Variants in MRTFA observed in about 807,000 individuals in gnomAD.
MRTFA encodes the protein myocardin-related transcription factor A.
In MRTFA, 20 loss-of-function variants were observed where a neutral mutation model predicts 83.5. The observed-to-expected ratio is 0.24, with a 90% CI of 0.17 to 0.35. The LOEUF is 0.35. Ranked by LOEUF, MRTFA falls within the 10% of genes least tolerant of loss-of-function variation. The pLI, the probability that MRTFA is intolerant of heterozygous loss-of-function variation, is 1.00. For synonymous variants in MRTFA, 659 were observed against 541.2 expected (o/e 1.22, Z -3.02); for missense variants, 1,200 against 1,224.7 (o/e 0.98, Z 0.30).
At chr22:40,517,220 G>T (rs1445047513) in intron 3 of MRTFA, among the ~76,000 whole-genome samples, 2 of 152,188 alleles carry the variant, frequency 1.3e-5, no homozygotes, top group African/African-American at 4.8e-5. Flanking sequence ...ACTGTGCCTG[G>T]CCCCTTAAAA....
chr22:40,634,260 A>C (rs74920380), intron 1 of MRTFA, among the ~76,000 whole-genome samples: 14,885 of 152,060 alleles, frequency 0.098, 1,006 homozygotes, highest in Non-Finnish European at 0.14. Context: ...CTAATTCTTT[A>C]ACTTTTTTGT....
intron 4 of MRTFA, among the ~76,000 whole-genome samples, chr22:40,436,125 A>C (rs2053165377): frequency 6.6e-6 from 1 of 152,088 alleles, no homozygotes; most frequent in Non-Finnish European, 1.5e-5. Flanking sequence ...TATAAAGTGC[A>C]CCCATGGAAT....
chr22:40,415,416 T>C (rs2052657563), intron 14 of MRTFA: 1 of 152,202 alleles, frequency 6.6e-6, no homozygotes, highest in African/African-American at 2.4e-5. Flanking sequence ...AGCTCTTGTC[T>C]TAAATTGAAA....
rs772334238 is a variant in MRTFA at position 40,411,672 on chromosome 22, G to A, written c.2814C>T (p.Ser938=). The change falls in exon 15 of 15, where the codon TCC becomes TCT. Residue 938 remains serine, a synonymous_variant. Transcript: ENST00000355630. The stretch of plus-strand genomic sequence containing the variant: ...TCTGGCTATGGAGGTCGTCAATGAG[G>A]GAAAGGGGCTCTGGCCCGTCATGCC... 3 of 1,609,100 alleles carry A rather than the reference G, an allele frequency of 1.9e-6. No homozygotes were observed. The highest frequency in any genetic ancestry group is 2.5e-6 in the Non-Finnish European group (3 of 1,177,190).
At chr22:40,519,373 G>T in intron 3 of MRTFA, 1 of 1,263,734 alleles carries the variant, frequency 7.9e-7, no homozygotes. Context: ...AACCTTGGAG[G>T]GTTTTGTGTA....
intron 2 of MRTFA, among the ~76,000 whole-genome samples, chr22:40,591,201 C>G (rs1175915481): frequency 6.6e-6 from 1 of 151,140 alleles, no homozygotes; most frequent in African/African-American, 2.4e-5. Flanking sequence ...ATAACGAGCT[C>G]TTACTGAGAG....
At position 40,418,768 on chromosome 22, in the gene MRTFA, T is replaced by A; in HGVS notation, c.1970A>T (p.Gln657Leu). ...GGCGGGCTGCTGGGCTCGCTTCTCC[T>A]GCTCCAGCTGCAGCTTGAGCCGCTC... Residue 657 changes from glutamine to leucine, a missense_variant, in exon 12 of 15, where the codon CAG becomes CTG. Physicochemically the swap from Gln to Leu is moderately radical, Grantham distance 113 (BLOSUM62 -2). Transcript: ENST00000355630. The A allele has an allele frequency of 1.3e-6, 2 of 1,559,026 alleles. No individual in the cohort carries two copies. The highest frequency in any genetic ancestry group is 1.7e-6 in the Non-Finnish European group (2 of 1,158,556).
intron 2 of MRTFA, among the ~76,000 whole-genome samples, chr22:40,585,879 T>C (rs1170546015): frequency 3.3e-5 from 5 of 152,210 alleles, no homozygotes; most frequent in Non-Finnish European, 7.3e-5. Flanking sequence ...CTGCAATTCA[T>C]AATACACAGG....
At chr22:40,459,826 T>TATAA (rs2053672396) in intron 4 of MRTFA, among the ~76,000 whole-genome samples, 2 of 92,798 alleles carry the variant, frequency 2.2e-5, no homozygotes, top group Non-Finnish European at 2.0e-5. Context: ...CACACACATA[T>TATAA]ATACATATAT....
chr22:40,523,509 T>A (rs2147262974), intron 3 of MRTFA: 1 of 152,262 alleles, frequency 6.6e-6, no homozygotes, highest in South Asian at 2.1e-4. Flanking sequence ...CTGCCTAATT[T>A]TTGCATTTTT....
chr22:40,610,724 G>C (rs2056376911), intron 1 of MRTFA, among the ~76,000 whole-genome samples: 1 of 151,562 alleles, frequency 6.6e-6, no homozygotes, highest in Non-Finnish European at 1.5e-5. Context: ...AGATATATTA[G>C]ATACATAAGA....
intron 3 of MRTFA, chr22:40,533,508 AT>A (rs567591524): frequency 5.5e-5 from 47 of 849,012 alleles, no homozygotes; most frequent in Non-Finnish European, 6.9e-5. Context: ...AATATGACCC[AT>A]TTTTTTTAAA....
At chr22:40,603,642 A>T (rs938677879) in intron 1 of MRTFA, among the ~76,000 whole-genome samples, 15 of 152,240 alleles carry the variant, frequency 9.9e-5, no homozygotes, top group Non-Finnish European at 1.3e-4. Context: ...GTTTAAATCG[A>T]CTATATTATT....
Position 40,625,314 on chromosome 22 carries a change from C to T in MRTFA, c.-84+11164G>A, listed in dbSNP as rs139799748. Among the ~76,000 whole-genome samples the T allele has an allele frequency of 5.2e-4, 79 of 151,054 alleles. 2 individuals are homozygous for T. The East Asian group carries it at 0.014, about 26-fold the overall frequency. On this transcript the variant is annotated intron_variant, in intron 1 of 14. Transcript: ENST00000355630. ...AGGCAACAGAGTGAGACACCTGTCC[C>T]TAAAAAAAAAATAAAAATAGGAGGG...
chr22:40,608,198 C>T (rs1283686122), intron 1 of MRTFA, among the ~76,000 whole-genome samples: 2 of 151,998 alleles, frequency 1.3e-5, no homozygotes, highest in African/African-American at 4.8e-5. Flanking sequence ...TTAGTAGGGA[C>T]GGGACGGTGT....
intron 7 of MRTFA, 24 bp from the exon 8 acceptor site, chr22:40,424,405 A>T (rs375517113): frequency 6.5e-5 from 105 of 1,610,266 alleles, no homozygotes; most frequent in Non-Finnish European, 8.7e-5. Flanking sequence ...CTGGTGTGAG[A>T]TTCCACTTCC....
intron 3 of MRTFA, among the ~76,000 whole-genome samples, chr22:40,497,476 G>A (rs554562225): frequency 6.6e-6 from 1 of 152,290 alleles, no homozygotes; most frequent in South Asian, 2.1e-4. Flanking sequence ...GAAATCATAT[G>A]GGTCAGGCTG....
At chr22:40,531,192 G>T (rs2147276011) in intron 3 of MRTFA, among the ~76,000 whole-genome samples, 1 of 151,584 alleles carries the variant, frequency 6.6e-6, no homozygotes. Flanking sequence ...TCGACCTCCT[G>T]GGCTCAATCG....
At chr22:40,580,520 T>G (rs972195302) in intron 2 of MRTFA, among the ~76,000 whole-genome samples, 11 of 152,174 alleles carry the variant, frequency 7.2e-5, no homozygotes, top group African/African-American at 2.7e-4. Flanking sequence ...TTTTTAATTA[T>G]GAAAGTTTAT....
Sources: allele counts gnomAD v4.1 joint callset (sites outside exome capture counted in the v4.1 genomes callset), GRCh38; gene constraint gnomAD v4.1.1; transcripts MANE v1.5; gene names NCBI Gene and HGNC (gene_info 2026-07-23, HGNC 2026-07-21).